The following POU6F2 variants were observed in gnomAD, a reference collection of about 807,000 sequenced individuals.
POU6F2 encodes POU class 6 homeobox 2, also known as POU domain, class 6, transcription factor 2.
A neutral mutation model predicts 71.3 loss-of-function variants in POU6F2; 31 were observed. That is an observed-to-expected ratio of 0.43 (90% confidence interval 0.33 to 0.59). POU6F2 has a LOEUF of 0.59. POU6F2 is among the 20% of genes least tolerant of loss of function. The pLI, the probability that POU6F2 is intolerant of heterozygous loss-of-function variation, is 0.04. For missense variants in POU6F2, 783 were observed against 856.8 expected (o/e 0.91, Z 1.07); for synonymous variants, 347 against 355.7 (o/e 0.98, Z 0.27).
chr7:39,211,388 G>A (rs527807788), intron 4 of POU6F2, among the ~76,000 whole-genome samples: 1 of 152,286 alleles, frequency 6.6e-6, no homozygotes, highest in African/African-American at 2.4e-5. Context: ...GTGTGGGAAC[G>A]TTTTTGCTTC....
intron 4 of POU6F2, among the ~76,000 whole-genome samples, chr7:39,314,668 A>G (rs1046659893): frequency 6.6e-6 from 1 of 152,244 alleles, no homozygotes; most frequent in African/African-American, 2.4e-5. Context: ...TAGAAACATA[A>G]AACATTTATT....
chr7:39,424,457 A>G (rs1425116771), intron 6 of POU6F2, among the ~76,000 whole-genome samples: 1 of 152,196 alleles, frequency 6.6e-6, no homozygotes, highest in Non-Finnish European at 1.5e-5. Flanking sequence ...CATTATGCCA[A>G]TATATAATTC....
chr7:39,360,445 G>A (rs1258217133), intron 5 of POU6F2, among the ~76,000 whole-genome samples: 1 of 152,144 alleles, frequency 6.6e-6, no homozygotes, highest in Non-Finnish European at 1.5e-5. Context: ...TAAACTTCAA[G>A]CACATGATTT....
intron 1 of POU6F2, among the ~76,000 whole-genome samples, chr7:38,998,585 A>G (rs1189479503): frequency 6.6e-6 from 1 of 152,196 alleles, no homozygotes; most frequent in Non-Finnish European, 1.5e-5. Flanking sequence ...CATGTTCTGT[A>G]AAGTATTTTC....
At chr7:39,280,378 T>A (rs1283928107) in intron 4 of POU6F2, among the ~76,000 whole-genome samples, 4 of 152,186 alleles carry the variant, frequency 2.6e-5, no homozygotes, top group Middle Eastern at 3.2e-3. Flanking sequence ...GCTGCTTCCT[T>A]TCCCTCCTTC....
chr7:39,204,264 C>G lies in POU6F2; in HGVS notation c.307C>G (p.Pro103Ala), dbSNP rs1793962180. 1.2e-6 allele frequency: 2 copies of G among 1,613,470 alleles called. No homozygotes were observed. Among genetic ancestry groups the G allele is most frequent in the Non-Finnish European group, 1.7e-6 (2 of 1,179,766 alleles). ...TAGAGGAAACCCAGCATTATCAGAC[C>G]CAGGCACTCCTGACCAACACCAGGC... ...GARGNPALSD[P>A]GTPDQHQASQ... The change falls in exon 3 of 10, where the codon CCA becomes GCA. Residue 103 changes from proline (P) to alanine (A), a missense_variant. Transcript: ENST00000518318.
intron 4 of POU6F2, among the ~76,000 whole-genome samples, chr7:39,220,670 C>T (rs1470520915): frequency 2.0e-5 from 3 of 151,922 alleles, no homozygotes; most frequent in African/African-American, 7.3e-5. Context: ...ACTTCCAGCC[C>T]TTCTGCTTGC....
chr7:39,329,112 A>G (rs1265384846), intron 4 of POU6F2: 1 of 153,812 alleles, frequency 6.5e-6, no homozygotes, highest in African/African-American at 2.4e-5. Flanking sequence ...CAGTGAGACT[A>G]TAAGCAGCAA....
At chr7:39,017,521 C>G (rs1435537855) in intron 1 of POU6F2, among the ~76,000 whole-genome samples, 2 of 152,144 alleles carry the variant, frequency 1.3e-5, no homozygotes, top group African/African-American at 4.8e-5. Flanking sequence ...ATTACTGTAT[C>G]CCTGGCTGGA....
At chr7:39,080,890 A>G (rs1283480706) in intron 1 of POU6F2, among the ~76,000 whole-genome samples, 1 of 152,204 alleles carries the variant, frequency 6.6e-6, no homozygotes, top group African/African-American at 2.4e-5. Context: ...TCTGTTGGTT[A>G]AATTATTGAA....
At chr7:39,004,852 C>T (rs1182577765) in intron 1 of POU6F2, among the ~76,000 whole-genome samples, 1 of 152,086 alleles carries the variant, frequency 6.6e-6, no homozygotes, top group Non-Finnish European at 1.5e-5. Flanking sequence ...AATGTGATGC[C>T]GCCCTGATTT....
At chr7:39,232,652 T>C (rs1299266848) in intron 4 of POU6F2, among the ~76,000 whole-genome samples, 1 of 152,248 alleles carries the variant, frequency 6.6e-6, no homozygotes, top group African/African-American at 2.4e-5. Flanking sequence ...ACTGAATTTG[T>C]TGGTAGGTTT....
chr7:39,106,050 A>G (rs1446636841), intron 2 of POU6F2, among the ~76,000 whole-genome samples: 2 of 152,218 alleles, frequency 1.3e-5, no homozygotes, highest in African/African-American at 4.8e-5. Context: ...CAGTCTGCAG[A>G]ACTTTTCACA....
At chr7:39,008,937 A>C (rs1789175646) in intron 1 of POU6F2, among the ~76,000 whole-genome samples, 1 of 151,720 alleles carries the variant, frequency 6.6e-6, no homozygotes. Flanking sequence ...CTTGTAGTAT[A>C]GTTTGAAGTC....
chr7:39,026,615 G>T (rs1049259312), intron 1 of POU6F2, among the ~76,000 whole-genome samples: 1 of 152,018 alleles, frequency 6.6e-6, no homozygotes, highest in Admixed American at 6.6e-5. Context: ...TGGGAGGAGT[G>T]GGGAGGGATA....
chr7:39,037,267 A>G (rs997218127), intron 1 of POU6F2, among the ~76,000 whole-genome samples: 1 of 152,038 alleles, frequency 6.6e-6, no homozygotes, highest in Non-Finnish European at 1.5e-5. Flanking sequence ...CCCTTTCCCC[A>G]ACCTTCATTT....
intron 4 of POU6F2, among the ~76,000 whole-genome samples, chr7:39,255,686 C>A (rs1290301807): frequency 6.6e-6 from 1 of 152,152 alleles, no homozygotes; most frequent in Non-Finnish European, 1.5e-5. Flanking sequence ...CATCATAAGC[C>A]GTCTAACTTT....
intron 2 of POU6F2, among the ~76,000 whole-genome samples, chr7:39,152,791 C>T (rs542470873): frequency 6.6e-6 from 1 of 152,296 alleles, no homozygotes; most frequent in South Asian, 2.1e-4. Flanking sequence ...GTTTAAATTT[C>T]CTACAATCCA....
intron 1 of POU6F2, among the ~76,000 whole-genome samples, chr7:39,081,996 C>T (rs913067001): frequency 1.2e-4 from 18 of 152,350 alleles, no homozygotes; most frequent in African/African-American, 3.8e-4. Context: ...CTTACCCATA[C>T]AATGGGGCTA....
Sources: gnomAD v4.1 joint callset for allele counts (sites outside exome capture counted in the v4.1 genomes callset) on GRCh38, gnomAD v4.1.1 for gene constraint, MANE v1.5 for transcripts, NCBI Gene and HGNC (gene_info 2026-07-23, HGNC 2026-07-21) for gene names.